HYDIN: variants seen among roughly 807,000 people sequenced by gnomAD.
HYDIN encodes the protein axonemal central pair apparatus protein HYDIN.
In HYDIN, 132 loss-of-function variants were observed where a neutral mutation model predicts 403.9. The observed-to-expected ratio is 0.33, with a 90% CI of 0.28 to 0.38. The LOEUF (loss-of-function observed/expected upper bound fraction) is 0.38. HYDIN is among the 10% of genes least tolerant of loss of function. The pLI is 1.00. For synonymous variants in HYDIN, 1,202 were observed against 1,891.7 expected, an observed-to-expected ratio of 0.64 and a Z score of 9.46; for missense variants, 2,827 against 5,009.5, an observed-to-expected ratio of 0.56 and a Z score of 13.15.
chr16:71,132,699 G>A (rs1000258799), intron 8 of HYDIN: 2 of 151,454 alleles, frequency 1.3e-5, no homozygotes, highest in East Asian at 2.0e-4. Context: ...AAACAAATTC[G>A]AAAACGCTGG....
intron 18 of HYDIN, among the ~76,000 whole-genome samples, chr16:71,047,084 A>C (rs1302042185): frequency 2.6e-5 from 4 of 152,166 alleles, no homozygotes. Context: ...AGTTGGAAAA[A>C]ATATTTTTAA....
intron 18 of HYDIN, among the ~76,000 whole-genome samples, chr16:71,057,294 C>T (rs1205725168): frequency 2.7e-5 from 4 of 149,866 alleles, no homozygotes; most frequent in Admixed American, 6.7e-5. Context: ...TGCTAGAGCA[C>T]GATTGGAGTT....
At chr16:70,824,644 C>A (rs1597049665) in intron 83 of HYDIN, among the ~76,000 whole-genome samples, 1 of 150,292 alleles carries the variant, frequency 6.7e-6, no homozygotes, top group Admixed American at 6.6e-5. Flanking sequence ...TCTCTTGCCT[C>A]AATATGGGGT....
At chr16:70,956,340 G>C (rs181282611) in intron 39 of HYDIN, among the ~76,000 whole-genome samples, 5,395 of 151,630 alleles carry the variant, frequency 0.036, 139 homozygotes, top group Non-Finnish European at 0.053. Context: ...TTCAGGGATA[G>C]TACCGTTAGC....
chr16:71,030,453 G>A (rs59868118), intron 19 of HYDIN, among the ~76,000 whole-genome samples: 1 of 145,136 alleles, frequency 6.9e-6, no homozygotes, highest in African/African-American at 2.6e-5. Context: ...TTTTTTTTAA[G>A]ACAGGGTCTC....
intron 13 of HYDIN, chr16:71,076,009 T>C (rs1423631000): frequency 2.6e-6 from 1 of 384,350 alleles, no homozygotes; most frequent in Non-Finnish European, 5.3e-6. Flanking sequence ...ACCCAGGCAT[T>C]ACACATGGAT....
At chr16:70,954,416 G>A (rs1234369372) in intron 40 of HYDIN, among the ~76,000 whole-genome samples, 1 of 123,360 alleles carries the variant, frequency 8.1e-6, no homozygotes, top group Non-Finnish European at 1.6e-5. Flanking sequence ...TGGTGCCACT[G>A]TACTCCAGCT....
intron 23 of HYDIN, among the ~76,000 whole-genome samples, chr16:71,011,781 G>A (rs1456538435): frequency 6.6e-6 from 1 of 151,152 alleles, no homozygotes. Context: ...AGACATAGAT[G>A]GAAGCATCCA....
At chr16:71,021,542 C>T (rs908425827) in intron 21 of HYDIN, among the ~76,000 whole-genome samples, 2 of 152,070 alleles carry the variant, frequency 1.3e-5, no homozygotes, top group Admixed American at 6.5e-5. Context: ...CTAGAGAAGG[C>T]ATCAGAAATG....
intron 5 of HYDIN, among the ~76,000 whole-genome samples, chr16:71,173,682 T>G (rs2086554647): frequency 6.6e-6 from 1 of 152,152 alleles, no homozygotes; most frequent in South Asian, 2.1e-4. Context: ...CTTCTATTGT[T>G]ATACAGGTTT....
At chr16:71,203,648 T>C in intron 1 of HYDIN, 1 of 425,242 alleles carries the variant, frequency 2.4e-6, no homozygotes, top group Non-Finnish European at 4.7e-6. Context: ...CTGGATTAGG[T>C]AACCCAGGAC....
chr16:70,980,182 C>T (rs1297731561), intron 29 of HYDIN, among the ~76,000 whole-genome samples: 2 of 149,512 alleles, frequency 1.3e-5, no homozygotes, highest in African/African-American at 2.5e-5. Context: ...ACTCTAGATA[C>T]GAGAGTGTAA....
In HYDIN at chr16:70,938,724, C is replaced by G. The variant is rs550750336; in HGVS notation, c.6885G>C (p.Glu2295Asp). Reference sequence around the variant, plus strand: ...CATCCATGTTTTGGAGACGCTCCTTCTCTTTCTCAAGAGCTCCCTTGTGCT... The same window carrying G: ...CATCCATGTTTTGGAGACGCTCCTTGTCTTTCTCAAGAGCTCCCTTGTGCT... ...ERKHKGALEK[E>D]KERLQNMDEE... Residue 2295 changes from glutamate to aspartate, a missense_variant, in exon 44 of 86, where the codon GAG (glutamate) becomes GAC (aspartate). Coordinates refer to ENST00000393567, the MANE Select transcript of HYDIN (RefSeq NM_001270974.2). The G allele has an allele frequency of 1.9e-6, 3 of 1,614,188 alleles. No homozygotes were observed. The East Asian group carries it at 6.7e-5, about 36-fold the overall frequency.
chr16:71,039,899 G>A (rs189014690), intron 18 of HYDIN, among the ~76,000 whole-genome samples: 3 of 152,326 alleles, frequency 2.0e-5, no homozygotes, highest in African/African-American at 4.8e-5. Context: ...TGCCCCATGC[G>A]ACAAGGCAAA....
intron 27 of HYDIN, 126 bp from the exon 28 acceptor site, chr16:70,985,448 T>C (rs2079163085): frequency 9.8e-7 from 1 of 1,022,806 alleles, no homozygotes; most frequent in African/African-American, 1.6e-5. Context: ...TCAATCTACA[T>C]CTCAGCATCA....
intron 8 of HYDIN, among the ~76,000 whole-genome samples, chr16:71,134,134 T>G (rs542941202): frequency 7.2e-5 from 11 of 152,148 alleles, no homozygotes; most frequent in African/African-American, 2.2e-4. Context: ...GATATCCAAG[T>G]CTTTGCTCAT....
chr16:70,943,941 G>A lies in HYDIN; in HGVS notation c.6540C>T (p.Ser2180=). ...GGATGGGCCCCGGGGGGAGAGGGCTGGAGGAAATCTGTTGAGTGGGAGAAG... is the reference window on the plus strand; with the variant it reads ...GGATGGGCCCCGGGGGGAGAGGGCTAGAGGAAATCTGTTGAGTGGGAGAAG... ...SHQSETPQIS[S]SPLPPGPIHR... Residue 2180 remains serine (S), a synonymous_variant, in exon 42 of 86, where the codon TCC becomes TCT. Transcript: ENST00000393567. 1.2e-6 allele frequency: 2 copies of A among 1,605,532 alleles called. No homozygotes were observed. The highest frequency in any genetic ancestry group is 1.7e-6 in the Non-Finnish European group (2 of 1,176,184).
At chr16:70,908,960 C>T in intron 47 of HYDIN, 99 bp from the exon 48 acceptor site, 1 of 1,456,730 alleles carries the variant, frequency 6.9e-7, no homozygotes, top group Non-Finnish European at 9.2e-7. Flanking sequence ...GGAGATGGTG[C>T]TGCAGGGTCA....
chr16:71,075,638 A>T (rs1242154712), intron 13 of HYDIN, among the ~76,000 whole-genome samples: 1 of 151,652 alleles, frequency 6.6e-6, no homozygotes, highest in Non-Finnish European at 1.5e-5. Flanking sequence ...CATACAGCAT[A>T]TAGGAAAAGG....
Sources: gnomAD v4.1 joint callset for allele counts (sites outside exome capture counted in the v4.1 genomes callset) on GRCh38, gnomAD v4.1.1 for gene constraint, MANE v1.5 for transcripts, NCBI Gene and HGNC (gene_info 2026-07-23, HGNC 2026-07-21) for gene names.